FAM163A: variants seen among roughly 807,000 people sequenced by gnomAD.
The protein encoded by FAM163A is family with sequence similarity 163 member A.
In FAM163A, 7 loss-of-function variants were observed where a neutral mutation model predicts 12.0. The observed-to-expected ratio is 0.58, with a 90% CI of 0.33 to 1.10. FAM163A has a LOEUF of 1.10. Ranked by LOEUF, FAM163A falls within the 50% of genes least tolerant of loss-of-function variation. FAM163A has a pLI of 0.03. For synonymous variants in FAM163A, 101 were observed against 91.0 expected (o/e 1.11, Z -0.62); for missense variants, 202 against 218.6 (o/e 0.92, Z 0.48).
At chr1:179,755,901 T>C (rs536687239) in intron 1 of FAM163A, among the ~76,000 whole-genome samples, 71 of 152,258 alleles carry the variant, frequency 4.7e-4, no homozygotes, top group Admixed American at 1.5e-3. Context: ...ATTCCCCACC[T>C]CTCTGCTGAA....
At chr1:179,770,856 C>T (rs535491322) in intron 1 of FAM163A, among the ~76,000 whole-genome samples, 2 of 152,210 alleles carry the variant, frequency 1.3e-5, no homozygotes, top group East Asian at 3.9e-4. Flanking sequence ...CAGTAAATTT[C>T]TTTTTGAGCT....
chr1:179,749,218 G>A (rs1684917458), intron 1 of FAM163A, among the ~76,000 whole-genome samples: 1 of 152,174 alleles, frequency 6.6e-6, no homozygotes, highest in Non-Finnish European at 1.5e-5. Context: ...ACCAAGTGGA[G>A]GGCTGATGAT....
chr1:179,728,682 C>T, the FAM163A span, among the ~76,000 whole-genome samples: 1 of 152,022 alleles, frequency 6.6e-6, no homozygotes, highest in East Asian at 1.9e-4. Context: ...TCAGTGTCTG[C>T]CAAATAGACA....
At chr1:179,750,809 A>G (rs895304154) in intron 1 of FAM163A, among the ~76,000 whole-genome samples, 1 of 152,246 alleles carries the variant, frequency 6.6e-6, no homozygotes, top group Non-Finnish European at 1.5e-5. Flanking sequence ...GAAACCTGTT[A>G]GCAGACTCCT....
At chr1:179,799,548 C>G (rs575649759) in intron 1 of FAM163A, among the ~76,000 whole-genome samples, 1 of 152,232 alleles carries the variant, frequency 6.6e-6, no homozygotes, top group African/African-American at 2.4e-5. Flanking sequence ...TGACTGTGGC[C>G]AAATCACTTG....
At chr1:179,790,635 C>T (rs1340848307) in intron 1 of FAM163A, among the ~76,000 whole-genome samples, 1 of 152,140 alleles carries the variant, frequency 6.6e-6, no homozygotes, top group African/African-American at 2.4e-5. Context: ...TGGCAGTCAG[C>T]ACTCACTGAG....
At chr1:179,812,809 GGGAGA>G (rs922732806) in intron 3 of FAM163A, among the ~76,000 whole-genome samples, 1 of 152,212 alleles carries the variant, frequency 6.6e-6, no homozygotes, top group African/African-American at 2.4e-5. Flanking sequence ...AGGGTGTGAC[GGGAGA>G]GGAAAGGCGA....
At chr1:179,794,319 A>G (rs921430931) in intron 1 of FAM163A, among the ~76,000 whole-genome samples, 3 of 152,224 alleles carry the variant, frequency 2.0e-5, no homozygotes, top group Non-Finnish European at 4.4e-5. Context: ...AATGAGTGTG[A>G]CTGTCCTGGT....
intron 1 of FAM163A, among the ~76,000 whole-genome samples, chr1:179,798,455 T>C (rs1367234681): frequency 6.6e-5 from 10 of 152,222 alleles, no homozygotes; most frequent in Non-Finnish European, 1.5e-4. Context: ...GTGGCTTCAG[T>C]GCAGCCCTGC....
chr1:179,745,205 A>G (rs1343971172), intron 1 of FAM163A, among the ~76,000 whole-genome samples: 1 of 152,154 alleles, frequency 6.6e-6, no homozygotes, highest in Non-Finnish European at 1.5e-5. Flanking sequence ...CATCAGGCAG[A>G]TCGGCAGCGG....
At chr1:179,760,745 T>C (rs1686697572) in intron 1 of FAM163A, among the ~76,000 whole-genome samples, 1 of 152,216 alleles carries the variant, frequency 6.6e-6, no homozygotes. Flanking sequence ...CAGCACTGTC[T>C]GGTCTTCTCC....
chr1:179,778,752 C>T lies in FAM163A; in HGVS notation c.-135-29046C>T, dbSNP rs534456071. On this transcript the variant is annotated intron_variant, in intron 1 of 4. Transcript: ENST00000341785. ...AAGGCCTGCAGTGGTGTGCAGTTGACGTATATGTATAAGGCGTGAGGGGTG... is the reference window on the plus strand; with the variant it reads ...AAGGCCTGCAGTGGTGTGCAGTTGATGTATATGTATAAGGCGTGAGGGGTG... Among the ~76,000 whole-genome samples the T allele has an allele frequency of 1.6e-4, 25 of 151,786 alleles. No homozygotes were observed. In the South Asian group the frequency reaches 4.4e-3, roughly 27 times the overall value.
intron 1 of FAM163A, among the ~76,000 whole-genome samples, chr1:179,758,123 AGATTC>A (rs1686287817): frequency 2.0e-5 from 3 of 152,218 alleles, no homozygotes; most frequent in Non-Finnish European, 4.4e-5. Context: ...TCCAGCTTCC[AGATTC>A]TGCTAACAGA....
chr1:179,755,942 T>G (rs1184148933), intron 1 of FAM163A, among the ~76,000 whole-genome samples: 4 of 152,204 alleles, frequency 2.6e-5, no homozygotes, highest in Non-Finnish European at 5.9e-5. Flanking sequence ...AGGCTCTCAC[T>G]GTGGCAAAGG....
intron 1 of FAM163A, among the ~76,000 whole-genome samples, chr1:179,783,785 A>G (rs1216876215): frequency 6.8e-6 from 1 of 146,230 alleles, no homozygotes; most frequent in Non-Finnish European, 1.5e-5. Flanking sequence ...TATATATTAT[A>G]TAATTTATTA....
At chr1:179,801,953 A>T (rs1693240128) in intron 1 of FAM163A, among the ~76,000 whole-genome samples, 1 of 152,206 alleles carries the variant, frequency 6.6e-6, no homozygotes, top group Non-Finnish European at 1.5e-5. Flanking sequence ...AAATGCCAAT[A>T]CCAGAGGACA....
intron 1 of FAM163A, among the ~76,000 whole-genome samples, chr1:179,750,036 C>T (rs1456495491): frequency 6.6e-6 from 1 of 152,112 alleles, no homozygotes; most frequent in Non-Finnish European, 1.5e-5. Flanking sequence ...GCAGGAAACC[C>T]TCAATCCAGC....
At chr1:179,759,839 G>A (rs1325518317) in intron 1 of FAM163A, among the ~76,000 whole-genome samples, 2 of 152,054 alleles carry the variant, frequency 1.3e-5, no homozygotes, top group Admixed American at 6.6e-5. Context: ...GCTAATTTTT[G>A]TATTTTTAGT....
rs1691418959 is a variant in FAM163A at position 179,791,074 on chromosome 1, C to G, written c.-135-16724C>G. On this transcript the variant is annotated intron_variant, in intron 1 of 4. Transcript: ENST00000341785. ...AGCAAAGCTCCCCTGAAGCCCAGCT[C>G]AATCATCCAGCCTAGGTGTCTTTGT... Among the ~76,000 whole-genome samples the G allele has an allele frequency of 3.3e-5, 5 of 152,194 alleles. No individual in the cohort carries two copies. In the South Asian group the frequency reaches 1.0e-3, roughly 32 times the overall value.
Sources: gnomAD v4.1 joint callset for allele counts (sites outside exome capture counted in the v4.1 genomes callset) on GRCh38, gnomAD v4.1.1 for gene constraint, MANE v1.5 for transcripts, NCBI Gene and HGNC (gene_info 2026-07-23, HGNC 2026-07-21) for gene names.